The following TNFRSF8 variants were observed in gnomAD, a reference collection of about 807,000 sequenced individuals.
TNFRSF8 encodes the protein tumor necrosis factor receptor superfamily member 8.
TNFRSF8 carries 26 observed loss-of-function variants against 70.8 expected under a neutral mutation model. The ratio of observed to expected loss-of-function variants is 0.37; its 90% CI spans 0.27 to 0.51. TNFRSF8 has a LOEUF of 0.51. Ranked by LOEUF, TNFRSF8 falls within the 20% of genes least tolerant of loss-of-function variation. TNFRSF8 has a pLI of 0.94. For missense variants in TNFRSF8, 720 were observed against 807.9 expected (o/e 0.89, Z 1.32); for synonymous variants, 356 against 339.2 (o/e 1.05, Z -0.54).
rs986568117 is a variant in TNFRSF8 at position 12,113,701 on chromosome 1, GAGAC to G, written c.793+1691_793+1694del. Among the ~76,000 whole-genome samples the G allele has an allele frequency of 6.6e-6, 1 of 151,944 alleles. No homozygotes were observed. Among genetic ancestry groups the G allele is most frequent in the African/African-American group, 2.4e-5 (1 of 41,312 alleles). On this transcript the variant is annotated intron_variant, in intron 7 of 14. Coordinates refer to ENST00000263932, the MANE Select transcript of TNFRSF8 (RefSeq NM_001243.5). The surrounding 1 kb of genome is among the most constrained non-coding windows in gnomAD (Gnocchi z 4.9). ...ACAGAAAGACAGAAAGAGAGACTGA[GAGAC>G]AGAGAGAGACAGAGATAGAGTGTGA...
Position 12,097,234 on chromosome 1 carries a change from C to G in TNFRSF8, c.268+17C>G, listed in dbSNP as rs1269281635. ...GTTCTCGAGGTAAGGGCCTTGTTCT[C>G]TCTCCAGGGCCTCCTTCTAGGGAGC... On this transcript the variant is annotated intron_variant, in intron 3 of 14. Coordinates refer to ENST00000263932, the MANE Select transcript of TNFRSF8 (RefSeq NM_001243.5). The G allele has an allele frequency of 1.3e-6, 2 of 1,592,900 alleles. No individual in the cohort carries two copies. Among genetic ancestry groups the G allele is most frequent in the Non-Finnish European group, 1.7e-6 (2 of 1,160,988 alleles).
Position 12,126,185 on chromosome 1 carries a change from C to T in TNFRSF8, c.1258C>T (p.Leu420Phe). Residue 420 changes from leucine (L) to phenylalanine (F), a missense_variant and splice_region_variant, in exon 12 of 15, where the codon CTC becomes TTC. Leu to Phe is a conservative substitution (Grantham distance 22). Coordinates refer to ENST00000263932, the MANE Select transcript of TNFRSF8 (RefSeq NM_001243.5). The part of the protein sequence containing the change: ...RACRKRIRQK[L>F]HLCYPVQTSQ... ...CCTTCCTCCTGGTGTCGTTTCAGAG[C>T]TCCACCTGTGCTACCCGGTCCAGAC... is the stretch of plus-strand genomic sequence containing the variant. 1 of 1,614,174 alleles carries T rather than the reference C, an allele frequency of 6.2e-7. No homozygotes were observed. The highest frequency in any genetic ancestry group is 1.3e-5 in the African/African-American group (1 of 75,042).
Position 12,108,529 on chromosome 1 carries a change from C to G in TNFRSF8, c.422-1037C>G, listed in dbSNP as rs1641569841. Among the ~76,000 whole-genome samples, 1 of 152,100 alleles carries G rather than the reference C, an allele frequency of 6.6e-6. No individual in the cohort carries two copies. Among genetic ancestry groups the G allele is most frequent in the African/African-American group, 2.4e-5 (1 of 41,420 alleles). ...CTGGTGAAGAGTGTATGATTATAGT[C>G]ATTTGACTGGGCTGGGCACGGCAGC... is the stretch of plus-strand genomic sequence containing the variant. On this transcript the variant is annotated intron_variant, in intron 4 of 14. Transcript: ENST00000263932. This position sits in a 1 kb window ranked among gnomAD's most constrained non-coding sequence, Gnocchi z 4.0.
chr1:12,094,493 C>T (rs1224782968), intron 2 of TNFRSF8, among the ~76,000 whole-genome samples: 2 of 152,096 alleles, frequency 1.3e-5, no homozygotes, highest in South Asian at 4.1e-4. Flanking sequence ...AGGACCCATC[C>T]TGGGAGCCAT....
At chr1:12,090,644 C>T (rs1051270871) in intron 2 of TNFRSF8, among the ~76,000 whole-genome samples, 5 of 152,170 alleles carry the variant, frequency 3.3e-5, no homozygotes, top group African/African-American at 9.7e-5. Context: ...ATTGATTCAC[C>T]CAATATGTTT....
Position 12,063,589 on chromosome 1 carries a change from G to T in TNFRSF8, c.-10G>T, listed in dbSNP as rs972042214. The T allele has an allele frequency of 6.9e-6, 9 of 1,309,472 alleles. No homozygotes were observed. In the African/African-American group the frequency reaches 1.2e-4, roughly 18 times the overall value. 81.1% of individuals were successfully genotyped at this position (1,309,472 alleles called of 1,614,324 possible). A position where few individuals can be genotyped will look rare whatever the true frequency, so the allele number is the denominator to read the frequency against. On this transcript the variant is annotated 5_prime_UTR_variant, in exon 1 of 15. Transcript: ENST00000263932. This position sits in a 1 kb window ranked among gnomAD's most constrained non-coding sequence, Gnocchi z 7.2. ...CCGGCCGCCAGGCCACCTCACGTCC[G>T]GCCCCGGGGATGCGCGTCCTCCTCG...
At chr1:12,135,222 A>G (rs1642123012) in intron 12 of TNFRSF8, among the ~76,000 whole-genome samples, 1 of 151,064 alleles carries the variant, frequency 6.6e-6, no homozygotes, top group African/African-American at 2.4e-5. Flanking sequence ...AGGCTGAGGC[A>G]TGAGAATCAC....
At chr1:12,083,017 C>CA (rs1193960720) in intron 1 of TNFRSF8, among the ~76,000 whole-genome samples, 2 of 151,856 alleles carry the variant, frequency 1.3e-5, no homozygotes, top group Non-Finnish European at 2.9e-5. Context: ...AGGCATCTTA[C>CA]AAAAAAGAAT....
intron 8 of TNFRSF8, among the ~76,000 whole-genome samples, chr1:12,122,128 G>A (rs1641840155): frequency 6.6e-6 from 1 of 152,144 alleles, no homozygotes; most frequent in Admixed American, 6.5e-5. Flanking sequence ...TCTGTATTTT[G>A]ATTGGAGTTA....
At chr1:12,132,676 G>A (rs1025292255) in intron 12 of TNFRSF8, among the ~76,000 whole-genome samples, 5 of 151,598 alleles carry the variant, frequency 3.3e-5, no homozygotes, top group East Asian at 1.9e-4. Context: ...TGTCTCTACC[G>A]AAAATACAAA....
chr1:12,115,269 C>T (rs1641706395), intron 7 of TNFRSF8, among the ~76,000 whole-genome samples: 1 of 152,198 alleles, frequency 6.6e-6, no homozygotes, highest in Non-Finnish European at 1.5e-5. Flanking sequence ...GAGCAACCAG[C>T]CATCCCCCTC....
intron 1 of TNFRSF8, among the ~76,000 whole-genome samples, chr1:12,073,140 T>G (rs979512177): frequency 3.9e-5 from 6 of 152,176 alleles, no homozygotes; most frequent in African/African-American, 1.4e-4. Flanking sequence ...ACACCTGTGG[T>G]CCCAGCTACT....
chr1:12,067,495 C>T (rs1221815308), intron 1 of TNFRSF8, among the ~76,000 whole-genome samples: 1 of 152,124 alleles, frequency 6.6e-6, no homozygotes, highest in Non-Finnish European at 1.5e-5. Flanking sequence ...TCAAGACCAG[C>T]CTGGTCAACG....
chr1:12,098,055 G>A (rs566193294), intron 3 of TNFRSF8, among the ~76,000 whole-genome samples: 1 of 152,136 alleles, frequency 6.6e-6, no homozygotes, highest in African/African-American at 2.4e-5. Flanking sequence ...ATATGTCAAA[G>A]CTATGTTATT....
intron 6 of TNFRSF8, among the ~76,000 whole-genome samples, chr1:12,111,685 T>G (rs1310101022): frequency 6.6e-6 from 1 of 151,938 alleles, no homozygotes; most frequent in African/African-American, 2.4e-5. Flanking sequence ...CAGGGGCTGG[T>G]TGGGGGGCAA....
chr1:12,072,583 C>A (rs992686956), intron 1 of TNFRSF8, among the ~76,000 whole-genome samples: 5 of 151,868 alleles, frequency 3.3e-5, no homozygotes, highest in Admixed American at 2.6e-4. Context: ...GTGGTTGGGG[C>A]GAGCCTGGGG....
At chr1:12,124,136 C>T (rs1189532505) in intron 10 of TNFRSF8, among the ~76,000 whole-genome samples, 1 of 152,162 alleles carries the variant, frequency 6.6e-6, no homozygotes, top group Non-Finnish European at 1.5e-5. Flanking sequence ...TCCCGAGTAG[C>T]TGGGTTTACA....
intron 1 of TNFRSF8, among the ~76,000 whole-genome samples, chr1:12,075,255 T>TC (rs1382573738): frequency 1.3e-5 from 2 of 150,536 alleles, no homozygotes; most frequent in East Asian, 3.9e-4. Context: ...AAAAAAATTT[T>TC]TTTTTTTTTT....
At chr1:12,140,826 C>T (rs1642238668) in intron 14 of TNFRSF8, among the ~76,000 whole-genome samples, 1 of 151,988 alleles carries the variant, frequency 6.6e-6, no homozygotes, top group Non-Finnish European at 1.5e-5. Flanking sequence ...ACCCCACCCG[C>T]CTCTCATCTT....
Sources: allele counts gnomAD v4.1 joint callset (sites outside exome capture counted in the v4.1 genomes callset), GRCh38; gene constraint gnomAD v4.1.1; non-coding constraint Gnocchi (gnomAD v3.1); transcripts MANE v1.5; gene names NCBI Gene and HGNC (gene_info 2026-07-23, HGNC 2026-07-21).